The following CDH12 variants were observed in gnomAD, a reference collection of about 807,000 sequenced individuals.
CDH12 encodes the protein cadherin-12.
In CDH12, 41 loss-of-function variants were observed where a neutral mutation model predicts 74.1. The observed-to-expected ratio is 0.55, with a 90% CI of 0.43 to 0.72. The LOEUF (loss-of-function observed/expected upper bound fraction) is 0.72. CDH12 is among the 30% of genes least tolerant of loss of function. CDH12 has a pLI of 0.00. For missense variants in CDH12, 945 were observed against 977.2 expected (o/e 0.97, Z 0.44); for synonymous variants, 399 against 355.0 (o/e 1.12, Z -1.39).
intron 6 of CDH12, among the ~76,000 whole-genome samples, chr5:21,898,861 C>T (rs1006594756): frequency 4.7e-5 from 6 of 126,518 alleles, no homozygotes; most frequent in Admixed American, 4.4e-4. Context: ...TGGTCTGTAT[C>T]GCTTGAATTT....
At chr5:22,122,390 G>A (rs1745568403) in intron 4 of CDH12, among the ~76,000 whole-genome samples, 1 of 152,202 alleles carries the variant, frequency 6.6e-6, no homozygotes, top group Middle Eastern at 3.4e-3. Context: ...GCAATAGAGT[G>A]AGACTCCATC....
At chr5:21,981,912 A>C (rs1357498340) in intron 5 of CDH12, among the ~76,000 whole-genome samples, 2 of 152,120 alleles carry the variant, frequency 1.3e-5, no homozygotes, top group Admixed American at 6.5e-5. Context: ...GGGCTCAAGC[A>C]ATCTACCTGC....
At chr5:22,836,916 C>T (rs946328585) in intron 1 of CDH12, among the ~76,000 whole-genome samples, 2 of 152,098 alleles carry the variant, frequency 1.3e-5, no homozygotes, top group African/African-American at 4.8e-5. Flanking sequence ...GCCAATGGAA[C>T]TATCATTTAA....
At chr5:22,431,388 G>A (rs540854154) in intron 2 of CDH12, among the ~76,000 whole-genome samples, 12 of 152,260 alleles carry the variant, frequency 7.9e-5, no homozygotes, top group South Asian at 2.1e-4. Context: ...TATTTGTGGC[G>A]ATGCTGGTGT....
chr5:22,112,656 C>G (rs1328103920), intron 4 of CDH12, among the ~76,000 whole-genome samples: 1 of 151,946 alleles, frequency 6.6e-6, no homozygotes, highest in African/African-American at 2.4e-5. Context: ...TATCGATCTC[C>G]AAGCTCAGCA....
intron 5 of CDH12, among the ~76,000 whole-genome samples, chr5:22,007,885 C>T (rs1275380570): frequency 6.6e-6 from 1 of 151,880 alleles, no homozygotes; most frequent in African/African-American, 2.4e-5. Flanking sequence ...TTTCATTATC[C>T]TTCATCTGTC....
At chr5:21,779,258 G>A (rs1184833067) in intron 11 of CDH12, 2 of 151,566 alleles carry the variant, frequency 1.3e-5, no homozygotes, top group Non-Finnish European at 2.9e-5. Flanking sequence ...TTTGAGACAG[G>A]TCTCAGTATG....
At chr5:21,859,465 A>G (rs1199653523) in intron 6 of CDH12, among the ~76,000 whole-genome samples, 4 of 151,876 alleles carry the variant, frequency 2.6e-5, no homozygotes, top group African/African-American at 7.2e-5. Context: ...CTTCAATCCA[A>G]TCAGTTCTCC....
intron 1 of CDH12, among the ~76,000 whole-genome samples, chr5:22,516,950 G>C (rs1736836292): frequency 6.6e-6 from 1 of 152,044 alleles, no homozygotes; most frequent in Non-Finnish European, 1.5e-5. Context: ...AAGAAGTTTA[G>C]ATGCGAAAAA....
At chr5:22,688,250 G>T (rs922758497) in intron 1 of CDH12, among the ~76,000 whole-genome samples, 2 of 152,110 alleles carry the variant, frequency 1.3e-5, no homozygotes, top group African/African-American at 4.8e-5. Flanking sequence ...GTTAATTCCA[G>T]CTTGGGAAAG....
intron 3 of CDH12, among the ~76,000 whole-genome samples, chr5:22,282,164 T>C (rs1736917502): frequency 6.6e-6 from 1 of 152,126 alleles, no homozygotes; most frequent in Non-Finnish European, 1.5e-5. Context: ...CTTTAATAAA[T>C]GGTGTTGGGA....
intron 1 of CDH12, among the ~76,000 whole-genome samples, chr5:22,744,238 G>T (rs1416224167): frequency 6.6e-6 from 1 of 151,976 alleles, no homozygotes; most frequent in Non-Finnish European, 1.5e-5. Flanking sequence ...GACCATCCTG[G>T]CTAACATGGT....
At chr5:22,541,897 T>C (rs754598310) in intron 1 of CDH12, among the ~76,000 whole-genome samples, 1 of 152,194 alleles carries the variant, frequency 6.6e-6, no homozygotes, top group Non-Finnish European at 1.5e-5. Context: ...GAACCCAGTG[T>C]CAACACTCTA....
chr5:22,182,379 A>C (rs1231128474), intron 4 of CDH12, among the ~76,000 whole-genome samples: 1 of 152,072 alleles, frequency 6.6e-6, no homozygotes, highest in Non-Finnish European at 1.5e-5. Flanking sequence ...TTGTTTGCTA[A>C]GTGATTTGAT....
chr5:21,863,252 G>C (rs6452013), intron 6 of CDH12, among the ~76,000 whole-genome samples: 145,508 of 152,066 alleles, frequency 0.96, 69,896 homozygotes, highest in Non-Finnish European at 1. Flanking sequence ...TGCCTCTGCG[G>C]TCTTGAATAG....
chr5:22,324,123 T>G (rs1479779823), intron 3 of CDH12, among the ~76,000 whole-genome samples: 1 of 152,142 alleles, frequency 6.6e-6, no homozygotes, highest in Non-Finnish European at 1.5e-5. Flanking sequence ...TTAGATGACT[T>G]CAGTGATGAC....
Position 22,736,508 on chromosome 5 carries a change from C to A in CDH12, c.-523+116550G>T, listed in dbSNP as rs572945869. Among the ~76,000 whole-genome samples the A allele has an allele frequency of 1.8e-4, 27 of 151,586 alleles. No individual in the cohort carries two copies. In the South Asian group the frequency reaches 5.6e-3, roughly 32 times the overall value. On this transcript the variant is annotated intron_variant, in intron 1 of 14. Transcript: ENST00000382254. ...GTTAATAGCATTCTTTATATGCACACACATCTGTGATGTTATTGGAAGTAA... is the reference window on the plus strand; with the variant it reads ...GTTAATAGCATTCTTTATATGCACAAACATCTGTGATGTTATTGGAAGTAA...
In CDH12 at chr5:22,232,207, T is replaced by C. The variant is rs574679952; in HGVS notation, c.-332-19564A>G. Among the ~76,000 whole-genome samples, 10 of 151,812 alleles carry C rather than the reference T, an allele frequency of 6.6e-5. No homozygotes were observed. The East Asian group carries it at 1.3e-3, about 20-fold the overall frequency. On this transcript the variant is annotated intron_variant, in intron 3 of 14. Coordinates refer to ENST00000382254, the MANE Select transcript of CDH12 (RefSeq NM_004061.5). The stretch of plus-strand genomic sequence containing the variant: ...TTTGTATTTAATCTTAATAAATATA[T>C]AAAAACAATTTTCTTGGATTTGGAA...
chr5:22,423,006 T>C (rs1021162005), intron 2 of CDH12, among the ~76,000 whole-genome samples: 2 of 152,148 alleles, frequency 1.3e-5, no homozygotes, highest in Non-Finnish European at 2.9e-5. Flanking sequence ...TTGACTATAG[T>C]CACCCAATTG....
Sources: allele counts gnomAD v4.1 joint callset (sites outside exome capture counted in the v4.1 genomes callset), GRCh38; gene constraint gnomAD v4.1.1; transcripts MANE v1.5; gene names NCBI Gene and HGNC (gene_info 2026-07-23, HGNC 2026-07-21).